Variants in MYOM2 observed in about 807,000 individuals in gnomAD.
MYOM2 encodes myomesin-2.
MYOM2 carries 254 observed loss-of-function variants against 187.6 expected under a neutral mutation model. That is an observed-to-expected ratio of 1.35 (90% CI 1.22 to 1.50). The LOEUF (loss-of-function observed/expected upper bound fraction) is 1.50. MYOM2 is among the 40% of genes most tolerant of loss of function. The pLI, the probability that MYOM2 is intolerant of heterozygous loss-of-function variation, is 0.00. For synonymous variants in MYOM2, 981 were observed against 753.8 expected (o/e 1.30, Z -4.94); for missense variants, 2,796 against 1,924.0 (o/e 1.45, Z -8.48).
At chr8:2,131,768 C>G (rs1159660904) in intron 32 of MYOM2, among the ~76,000 whole-genome samples, 7 of 151,592 alleles carry the variant, frequency 4.6e-5, no homozygotes, top group South Asian at 2.1e-4. Flanking sequence ...CTCAGCCTCC[C>G]AAGTAGCTGG....
At chr8:2,063,228 C>T (rs1324624102) in intron 6 of MYOM2, among the ~76,000 whole-genome samples, 2 of 152,178 alleles carry the variant, frequency 1.3e-5, no homozygotes, top group East Asian at 1.9e-4. Context: ...ACTGCTGAGC[C>T]GCCGGTCATC....
At chr8:2,134,066 T>C (rs2116897156) in intron 32 of MYOM2, among the ~76,000 whole-genome samples, 1 of 131,570 alleles carries the variant, frequency 7.6e-6, no homozygotes, top group East Asian at 2.5e-4. Context: ...ACCCACCTTA[T>C]AACCATCAAA....
At position 2,085,441 on chromosome 8, in the gene MYOM2, A is replaced by ACTGTTGTGATCTCTGTGTGGCCCACCG. The variant is rs1563443921; in HGVS notation, c.1644+55_1644+56insTGTGATCTCTGTGTGGCCCACCGCTGT. 3 of 1,594,796 alleles carry ACTGTTGTGATCTCTGTGTGGCCCACCG rather than the reference A, an allele frequency of 1.9e-6. No individual in the cohort carries two copies. In the South Asian group the frequency reaches 3.4e-5, roughly 18 times the overall value. ...AAAGTAGATCTCTGCATGGCCCCCC[A>ACTGTTGTGATCTCTGTGTGGCCCACCG]CTGTCATGATCTCTGCGTGGCCCAC... On this transcript the variant is annotated intron_variant, in intron 14 of 36. Coordinates refer to ENST00000262113, the MANE Select transcript of MYOM2 (RefSeq NM_003970.4).
intron 14 of MYOM2, among the ~76,000 whole-genome samples, chr8:2,089,356 T>G (rs1193444159): frequency 3.3e-5 from 5 of 152,166 alleles, no homozygotes; most frequent in Non-Finnish European, 7.3e-5. Flanking sequence ...ATAGCCACAT[T>G]AACGTGTGGT....
chr8:2,077,314 A>C (rs1338730653), intron 11 of MYOM2, among the ~76,000 whole-genome samples: 1 of 152,178 alleles, frequency 6.6e-6, no homozygotes, highest in East Asian at 1.9e-4. Flanking sequence ...ACCATCAAAA[A>C]AAACAAAACA....
At chr8:2,144,542 A>G in intron 36 of MYOM2, 122 bp from the exon 37 acceptor site, 4 of 1,039,376 alleles carry the variant, frequency 3.8e-6, no homozygotes, top group Non-Finnish European at 5.8e-6. Flanking sequence ...GCTTGTTTCT[A>G]AACAAACGAT....
intron 13 of MYOM2, 104 bp downstream of exon 13, chr8:2,079,717 T>A (rs560651207): frequency 1.6e-6 from 2 of 1,237,446 alleles, no homozygotes; most frequent in Middle Eastern, 1.9e-4. Flanking sequence ...GGGCACGGCC[T>A]CTGCATGGAA....
Position 2,059,213 on chromosome 8 carries a change from C to T in MYOM2, c.621C>T (p.Ser207=). ...AACCGGGAAAGTACAGGATTGAGAG[C>T]AACTATGGCGTACACACACTGGAGA... ...AAEPGKYRIE[S]NYGVHTLEIN... The change falls in exon 6 of 37, where the codon AGC becomes AGT. Residue 207 remains serine, a synonymous_variant. Coordinates refer to ENST00000262113, the MANE Select transcript of MYOM2 (RefSeq NM_003970.4). 1 of 1,614,170 alleles carries T rather than the reference C, an allele frequency of 6.2e-7. No homozygotes were observed. The highest frequency in any genetic ancestry group is 8.5e-7 in the Non-Finnish European group (1 of 1,180,028).
chr8:2,140,597 A>G (rs2116919773), intron 32 of MYOM2, 126 bp from the exon 33 acceptor site: 1 of 881,470 alleles, frequency 1.1e-6, no homozygotes, highest in East Asian at 2.6e-5. Context: ...AGCCAGAATA[A>G]TCTATTGTGA....
chr8:2,145,286 G>A lies in MYOM2; in HGVS notation c.*305G>A, dbSNP rs1180145942. On this transcript the variant is annotated 3_prime_UTR_variant, in exon 37 of 37. Transcript: ENST00000262113. Reference sequence around the variant, plus strand: ...TTCACGGGTGTGGGCACATGGGTGTGGCACCTGGACGTGTGCAGCATGTGG... The same window carrying A: ...TTCACGGGTGTGGGCACATGGGTGTAGCACCTGGACGTGTGCAGCATGTGG... 3 of 502,674 alleles carry A rather than the reference G, an allele frequency of 6.0e-6. No homozygotes were observed. The highest frequency in any genetic ancestry group is 1.0e-5 in the Non-Finnish European group (3 of 285,860). 31.1% of individuals were successfully genotyped at this position (502,674 alleles called of 1,614,324 possible).
intron 23 of MYOM2, among the ~76,000 whole-genome samples, chr8:2,108,317 A>G (rs1490513810): frequency 1.3e-5 from 2 of 150,738 alleles, no homozygotes; most frequent in African/African-American, 4.9e-5. Flanking sequence ...ATGGTAATAC[A>G]CTATAGTGAT....
chr8:2,107,195 A>G (rs1397677611), intron 23 of MYOM2, among the ~76,000 whole-genome samples: 2 of 152,098 alleles, frequency 1.3e-5, no homozygotes, highest in Non-Finnish European at 2.9e-5. Flanking sequence ...ACTGCCTAGC[A>G]TCACGTGTAT....
rs1250938970 is a variant in MYOM2 at position 2,081,152 on chromosome 8, C to T, written c.1516+1539C>T. Among the ~76,000 whole-genome samples the T allele has an allele frequency of 4.2e-4, 48 of 115,478 alleles. 1 individual carries two copies. In the East Asian group the frequency reaches 0.011, roughly 26 times the overall value. The allele number at this position is 115,478 out of a possible 152,430, so 75.8% of individuals were successfully genotyped here. On this transcript the variant is annotated intron_variant, in intron 13 of 36. Transcript: ENST00000262113. ...TGCGGGAGGAACAGGCAGCCCAGCC[C>T]GTGTAGAATGAGGTTTGGTTCTGGC...
intron 10 of MYOM2, among the ~76,000 whole-genome samples, chr8:2,074,929 G>A (rs906285561): frequency 3.3e-5 from 5 of 152,290 alleles, no homozygotes; most frequent in East Asian, 1.9e-4. Context: ...CCGGGTCCCC[G>A]GGCTCCCGGC....
In MYOM2 at chr8:2,073,223, G is replaced by A. The variant is rs570248746; in HGVS notation, c.959-116G>A. 36 of 1,139,368 alleles carry A rather than the reference G, an allele frequency of 3.2e-5. No homozygotes were observed. The African/African-American group carries it at 3.4e-4, about 11-fold the overall frequency. 70.6% of individuals were successfully genotyped at this position (1,139,368 alleles called of 1,614,324 possible). A position where few individuals can be genotyped will look rare whatever the true frequency, so the allele number is the denominator to read the frequency against. On this transcript the variant is annotated intron_variant, in intron 9 of 36. Coordinates refer to ENST00000262113, the MANE Select transcript of MYOM2 (RefSeq NM_003970.4). ...TTACCAGGCTGAGGCTCTGCCTTCC[G>A]TGGTGTCCAGCTCGACTGTCCTGTC... is the stretch of plus-strand genomic sequence containing the variant.
At chr8:2,056,505 C>T (rs1288653532) in intron 3 of MYOM2, among the ~76,000 whole-genome samples, 1 of 141,508 alleles carries the variant, frequency 7.1e-6, no homozygotes, top group Admixed American at 6.9e-5. Flanking sequence ...ATGTGAGCCG[C>T]GACGATGTGA....
chr8:2,098,560 T>A (rs1017131480), intron 18 of MYOM2, among the ~76,000 whole-genome samples: 1 of 152,144 alleles, frequency 6.6e-6, no homozygotes, highest in Non-Finnish European at 1.5e-5. Context: ...GGCCTCAGTT[T>A]CCTTACCTGC....
chr8:2,108,638 TC>T, intron 23 of MYOM2, 147 bp from the exon 24 acceptor site: 1 of 761,958 alleles, frequency 1.3e-6, no homozygotes, highest in Middle Eastern at 2.4e-4. Context: ...ATCCTCTATG[TC>T]CCTCAGACTT....
chr8:2,137,565 T>TGG (rs1491179448), intron 32 of MYOM2, among the ~76,000 whole-genome samples: 80 of 104,178 alleles, frequency 7.7e-4, no homozygotes, highest in African/African-American at 6.0e-3. Context: ...TGTGCCTGGT[T>TGG]GTGTGTGTGT....
Sources: gnomAD v4.1 joint callset for allele counts (sites outside exome capture counted in the v4.1 genomes callset) on GRCh38, gnomAD v4.1.1 for gene constraint, MANE v1.5 for transcripts, NCBI Gene and HGNC (gene_info 2026-07-23, HGNC 2026-07-21) for gene names.